The following NUGGC variants were observed in gnomAD, a reference collection of about 807,000 sequenced individuals.
NUGGC encodes the protein nuclear GTPase SLIP-GC.
NUGGC carries 58 observed loss-of-function variants against 92.6 expected under a neutral mutation model. That is an observed-to-expected ratio of 0.63 (90% CI 0.51 to 0.78). NUGGC has a LOEUF of 0.78. Ranked by LOEUF, NUGGC falls within the 30% of genes least tolerant of loss-of-function variation. The pLI is 0.00. For synonymous variants in NUGGC, 376 were observed against 366.4 expected (o/e 1.03, Z -0.30); for missense variants, 925 against 964.6 (o/e 0.96, Z 0.54).
rs529554916 is a variant in NUGGC, at chr8:28,074,496, T to C, written c.-46-40A>G. On this transcript the variant is annotated intron_variant, in intron 1 of 18. Transcript: ENST00000413272. ...TACAAAGACAGGTGGGGCAGCGGAA[T>C]TTGAAAATACAGAAAGCAAACCCTA... is the stretch of plus-strand genomic sequence containing the variant. The C allele has an allele frequency of 6.0e-5, 86 of 1,427,472 alleles. No homozygotes were observed. In the African/African-American group the frequency reaches 1.1e-3, roughly 18 times the overall value. The allele number at this position is 1,427,472 out of a possible 1,614,324, so 88.4% of individuals were successfully genotyped here. A position where few individuals can be genotyped will look rare whatever the true frequency, so the allele number is the denominator to read the frequency against.
intron 2 of NUGGC, among the ~76,000 whole-genome samples, chr8:28,073,398 T>C (rs1488340395): frequency 2.0e-5 from 3 of 152,078 alleles, no homozygotes; most frequent in African/African-American, 4.8e-5. Context: ...CAGCTCTTCC[T>C]ATATGCCTGC....
At chr8:28,052,503 CAG>C (rs1810032619) in intron 10 of NUGGC, among the ~76,000 whole-genome samples, 1 of 152,122 alleles carries the variant, frequency 6.6e-6, no homozygotes, top group South Asian at 2.1e-4. Flanking sequence ...AATTTGGATA[CAG>C]AGACACACAC....
chr8:28,024,752 G>A (rs1347734884), intron 18 of NUGGC, among the ~76,000 whole-genome samples: 1 of 152,064 alleles, frequency 6.6e-6, no homozygotes, highest in Non-Finnish European at 1.5e-5. Context: ...TCCCATATCT[G>A]GAAGGCCTCC....
At chr8:28,060,049 T>G (rs1810257397) in intron 8 of NUGGC, among the ~76,000 whole-genome samples, 1 of 150,766 alleles carries the variant, frequency 6.6e-6, no homozygotes, top group Non-Finnish European at 1.5e-5. Flanking sequence ...CCCTACCAGA[T>G]AGGATTATAG....
intron 13 of NUGGC, among the ~76,000 whole-genome samples, chr8:28,038,986 CTGAA>C (rs1417417406): frequency 3.7e-4 from 56 of 152,278 alleles, no homozygotes; most frequent in Non-Finnish European, 1.3e-4. Flanking sequence ...CATTTGCTGA[CTGAA>C]TGCACGCATG....
intron 13 of NUGGC, among the ~76,000 whole-genome samples, chr8:28,039,104 G>T (rs182745527): frequency 1.6e-4 from 24 of 152,218 alleles, no homozygotes; most frequent in Admixed American, 5.9e-4. Flanking sequence ...TTTCCCCAGT[G>T]ACCCCAGAAT....
intron 9 of NUGGC, among the ~76,000 whole-genome samples, chr8:28,056,808 T>C (rs1402810535): frequency 6.6e-6 from 1 of 152,196 alleles, no homozygotes; most frequent in African/African-American, 2.4e-5. Flanking sequence ...TCAAGAGGAA[T>C]GTAAACAAAC....
intron 12 of NUGGC, among the ~76,000 whole-genome samples, chr8:28,042,867 T>C (rs888489101): frequency 2.6e-5 from 4 of 152,252 alleles, no homozygotes; most frequent in Non-Finnish European, 5.9e-5. Context: ...ATACAGGTGA[T>C]TTAACTTCTC....
At chr8:28,044,492 A>T (rs753298713) in intron 12 of NUGGC, among the ~76,000 whole-genome samples, 3 of 152,206 alleles carry the variant, frequency 2.0e-5, no homozygotes, top group Non-Finnish European at 4.4e-5. Flanking sequence ...GCCTGGGGAC[A>T]CTAAAGACGG....
chr8:28,081,549 C>G (rs1410694085), intron 1 of NUGGC, among the ~76,000 whole-genome samples: 1 of 152,134 alleles, frequency 6.6e-6, no homozygotes, highest in Non-Finnish European at 1.5e-5. Context: ...CCCTATTGAT[C>G]AAACACATTG....
intron 10 of NUGGC, among the ~76,000 whole-genome samples, chr8:28,053,333 T>C (rs756015794): frequency 1.3e-5 from 2 of 151,900 alleles, no homozygotes; most frequent in African/African-American, 2.4e-5. Context: ...CATACCGGTA[T>C]ACCGGTAGTC....
At chr8:28,064,372 A>T (rs887054194) in intron 7 of NUGGC, 150 bp downstream of exon 7, 5 of 699,240 alleles carry the variant, frequency 7.2e-6, no homozygotes, top group Non-Finnish European at 1.2e-5. Flanking sequence ...ACACCCTGCC[A>T]GGGCCTTGAG....
chr8:28,030,373 T>A lies in NUGGC; in HGVS notation c.1954A>T (p.Lys652Ter). 1.9e-6 allele frequency: 3 copies of A among 1,582,158 alleles called. No individual in the cohort carries two copies. The highest frequency in any genetic ancestry group is 2.6e-6 in the Non-Finnish European group (3 of 1,162,810). Reference protein sequence around the residue: ...GGLEDHILRRKRRIYESLTAS... With the variant: ...GGLEDHILRR ...GTGAGGGACTCGTAGATCCTCCTCT[T>A]CCTTCTGAGGATGTGGTCCTCCAGG... The change falls in exon 16 of 19, where the codon AAG (lysine) becomes TAG (stop). Residue 652 changes from lysine (K) to a stop codon, truncating the protein, a stop_gained. Transcript: ENST00000413272. LOFTEE classifies it high-confidence loss of function.
In NUGGC at chr8:28,037,316, C is replaced by T. The variant is rs550888844; in HGVS notation, c.1612-3619G>A. Among the ~76,000 whole-genome samples the T allele has an allele frequency of 2.6e-5, 4 of 152,254 alleles. No homozygotes were observed. In the East Asian group the frequency reaches 7.7e-4, roughly 29 times the overall value. ...CAGCAAGCTGACTGTCAGCCTATTC[C>T]CCCAAAACTCTGCCCTGTGTACTTG... On this transcript the variant is annotated intron_variant, in intron 13 of 18. Coordinates refer to ENST00000413272, the MANE Select transcript of NUGGC (RefSeq NM_001010906.2).
rs202110525 is a variant in NUGGC, at chr8:28,060,020, CA to C, written c.1097+405del. Among the ~76,000 whole-genome samples, 328 of 142,028 alleles carry C rather than the reference CA, an allele frequency of 2.3e-3. 2 individuals carry two copies. The highest frequency in any genetic ancestry group is 0.017 in the East Asian group (81 of 4,888). The allele number at this position is 142,028 out of a possible 152,430, so 93.2% of individuals were successfully genotyped here. A position where few individuals can be genotyped will look rare whatever the true frequency, so the allele number is the denominator to read the frequency against. On this transcript the variant is annotated intron_variant, in intron 8 of 18. Coordinates refer to ENST00000413272, the MANE Select transcript of NUGGC (RefSeq NM_001010906.2). Reference sequence around the variant, plus strand: ...TGGGCGGCACAGCAAGACTCTGTGCCAAAAAAAAAAAAGCTGTACCCTACCA... The same window carrying C: ...TGGGCGGCACAGCAAGACTCTGTGCCAAAAAAAAAAAGCTGTACCCTACCA...
intron 13 of NUGGC, among the ~76,000 whole-genome samples, chr8:28,034,871 G>A (rs1018382829): frequency 3.9e-5 from 6 of 152,136 alleles, no homozygotes; most frequent in Non-Finnish European, 7.4e-5. Flanking sequence ...GTATCATATG[G>A]ATGAAAAATA....
Position 28,023,416 on chromosome 8 carries a change from C to G in NUGGC, c.2292G>C (p.Leu764=). 1 of 1,613,990 alleles carries G rather than the reference C, an allele frequency of 6.2e-7. No homozygotes were observed. The highest frequency in any genetic ancestry group is 8.5e-7 in the Non-Finnish European group (1 of 1,179,886). The change falls in exon 19 of 19, where the codon CTG becomes CTC. Residue 764 remains leucine, a synonymous_variant. Transcript: ENST00000413272. ...GCCGTGCATTCTCCGCGACCTCCCTCAGGCTTCTGTGCAGCTTCTCCATCT... is the reference window on the plus strand; with the variant it reads ...GCCGTGCATTCTCCGCGACCTCCCTGAGGCTTCTGTGCAGCTTCTCCATCT... ...YKEMEKLHRS[L]REVAENARLR...
intron 10 of NUGGC, among the ~76,000 whole-genome samples, chr8:28,050,682 A>G (rs901472707): frequency 1.3e-5 from 2 of 150,880 alleles, no homozygotes; most frequent in African/African-American, 4.9e-5. Flanking sequence ...GTGGTGGCGC[A>G]TGCCTGTAAT....
intron 10 of NUGGC, among the ~76,000 whole-genome samples, chr8:28,051,760 T>A (rs1486058247): frequency 6.6e-6 from 1 of 152,030 alleles, no homozygotes; most frequent in African/African-American, 2.4e-5. Context: ...CCGTCTCTAC[T>A]AAAAGTACAA....
Sources: allele counts gnomAD v4.1 joint callset (sites outside exome capture counted in the v4.1 genomes callset), GRCh38; gene constraint gnomAD v4.1.1; transcripts MANE v1.5; gene names NCBI Gene and HGNC (gene_info 2026-07-23, HGNC 2026-07-21).